The following FBXL5 variants were observed in gnomAD, a reference collection of about 807,000 sequenced individuals.
FBXL5 encodes the protein F-box/LRR-repeat protein 5.
In FBXL5, 26 loss-of-function variants were observed where a neutral mutation model predicts 78.3. The observed-to-expected ratio is 0.33, with a 90% confidence interval of 0.24 to 0.46. The LOEUF is 0.46. Among genes scored for constraint, FBXL5 ranks in the 20% least tolerant of loss-of-function variants. The pLI is 1.00. For synonymous variants in FBXL5, 295 were observed against 282.5 expected, an observed-to-expected ratio of 1.04 and a Z score of -0.45; for missense variants, 710 against 829.2, an observed-to-expected ratio of 0.86 and a Z score of 1.77.
intron 5 of FBXL5, 73 bp from the exon 6 acceptor site, chr4:15,630,864 T>C (rs1328220330): frequency 6.4e-6 from 10 of 1,567,142 alleles, no homozygotes; most frequent in Non-Finnish European, 8.7e-6. Flanking sequence ...AACTAAGCTA[T>C]TTACGATAAA....
chr4:15,632,455 C>T (rs911260403), intron 5 of FBXL5, among the ~76,000 whole-genome samples: 4 of 152,140 alleles, frequency 2.6e-5, no homozygotes, highest in African/African-American at 9.7e-5. Flanking sequence ...GTGAAGAAAG[C>T]CATTGGTAGC....
At chr4:15,646,207 AT>A (rs1715331510) in intron 1 of FBXL5, among the ~76,000 whole-genome samples, 1 of 152,230 alleles carries the variant, frequency 6.6e-6, no homozygotes, top group South Asian at 2.1e-4. Flanking sequence ...ATAAAACTTT[AT>A]AAACACTGAA....
At chr4:15,646,549 TTA>T (rs1359216209) in intron 1 of FBXL5, among the ~76,000 whole-genome samples, 7 of 151,128 alleles carry the variant, frequency 4.6e-5, no homozygotes, top group African/African-American at 7.3e-5. Flanking sequence ...ATATTTTTTA[TTA>T]TTATTATTAT....
intron 8 of FBXL5, 82 bp from the exon 9 acceptor site, chr4:15,626,059 A>G: frequency 1.6e-6 from 2 of 1,266,352 alleles, no homozygotes; most frequent in Non-Finnish European, 2.1e-6. Flanking sequence ...GATGAAAACC[A>G]GAAGAAAGAT....
At chr4:15,656,300 C>G (rs1275873108), upstream of FBXL5, 1 of 456,144 alleles carries the variant, frequency 2.2e-6, no homozygotes, top group Non-Finnish European at 4.4e-6. Flanking sequence ...ACTCTGTTCT[C>G]TGCTCACGCC....
chr4:15,631,589 GACTTT>G (rs113767813), intron 5 of FBXL5, among the ~76,000 whole-genome samples: 2,249 of 152,258 alleles, frequency 0.015, 53 homozygotes, highest in African/African-American at 0.051. Flanking sequence ...GTTGTTTCCT[GACTTT>G]TTAATGATCG....
At chr4:15,669,648 A>G (rs967996241) in intron 1 of FBXL5, among the ~76,000 whole-genome samples, 3 of 152,172 alleles carry the variant, frequency 2.0e-5, no homozygotes, top group South Asian at 4.1e-4. Flanking sequence ...CCCACAGAAA[A>G]TGTAACAAAA....
chr4:15,654,256 T>C lies in FBXL5; in HGVS notation c.84+948A>G, dbSNP rs1175604020. On this transcript the variant is annotated intron_variant, in intron 1 of 10. Coordinates refer to ENST00000341285, the MANE Select transcript of FBXL5 (RefSeq NM_012161.4). Reference sequence around the variant, plus strand: ...GTAGTCATTTGAATGCTTTATTTAGTTGGATCATTTCCACAAGAAACGGGA... The same window carrying C: ...GTAGTCATTTGAATGCTTTATTTAGCTGGATCATTTCCACAAGAAACGGGA... Among the ~76,000 whole-genome samples the C allele has an allele frequency of 2.6e-5, 4 of 152,356 alleles. 1 individual carries two copies. Among genetic ancestry groups the C allele is most frequent in the South Asian group, 2.1e-4 (1 of 4,828 alleles).
intron 2 of FBXL5, among the ~76,000 whole-genome samples, chr4:15,643,613 G>C (rs1196578957): frequency 6.6e-6 from 1 of 152,040 alleles, no homozygotes; most frequent in Non-Finnish European, 1.5e-5. Flanking sequence ...CACTATGTTG[G>C]CCAGGCTGGT....
chr4:15,675,584 T>C (rs1463754376), intron 1 of FBXL5, among the ~76,000 whole-genome samples: 29 of 145,890 alleles, frequency 2.0e-4, no homozygotes, highest in Non-Finnish European at 2.9e-4. Context: ...TTTTTTTTTT[T>C]TTTTTTTTTT....
intron 10 of FBXL5, among the ~76,000 whole-genome samples, chr4:15,608,108 G>A (rs954946487): frequency 1.3e-5 from 2 of 152,022 alleles, no homozygotes; most frequent in Admixed American, 6.6e-5. Flanking sequence ...CCACCGACAC[G>A]GAGGACTTAC....
intron 2 of FBXL5, among the ~76,000 whole-genome samples, chr4:15,644,215 T>G (rs775726295): frequency 3.9e-4 from 60 of 152,344 alleles, no homozygotes; most frequent in Non-Finnish European, 6.6e-4. Context: ...TGATGTTTCC[T>G]CAGTAGTTTT....
chr4:15,647,086 G>T (rs1272023547), intron 1 of FBXL5, among the ~76,000 whole-genome samples: 1 of 151,428 alleles, frequency 6.6e-6, no homozygotes, highest in African/African-American at 2.4e-5. Flanking sequence ...AGCAGGGAGT[G>T]GTGGTGTGCA....
intron 2 of FBXL5, among the ~76,000 whole-genome samples, chr4:15,642,038 A>G (rs1714940050): frequency 6.6e-6 from 1 of 151,930 alleles, no homozygotes; most frequent in African/African-American, 2.4e-5. Flanking sequence ...AAAAAAAAAA[A>G]AGAAAAAATT....
intron 7 of FBXL5, 70 bp downstream of exon 7, chr4:15,627,815 G>A: frequency 6.7e-7 from 1 of 1,489,228 alleles, no homozygotes; most frequent in Non-Finnish European, 9.1e-7. Flanking sequence ...ATTAAACTCA[G>A]GAATGAGCAA....
At chr4:15,656,220 G>A (rs1212022337), upstream of FBXL5, 1 of 456,260 alleles carries the variant, frequency 2.2e-6, no homozygotes, top group African/African-American at 2.0e-5. Context: ...AGAAAACAAG[G>A]TCACTAACCC....
intron 1 of FBXL5, among the ~76,000 whole-genome samples, chr4:15,651,664 T>C (rs912692776): frequency 1.3e-5 from 2 of 152,238 alleles, no homozygotes; most frequent in Admixed American, 1.3e-4. Context: ...ACTCTAAGCT[T>C]CTTCCCACTT....
intron 1 of FBXL5, among the ~76,000 whole-genome samples, chr4:15,649,440 G>A (rs973540853): frequency 4.0e-5 from 6 of 151,798 alleles, no homozygotes; most frequent in African/African-American, 9.7e-5. Context: ...TTAGTTGGGC[G>A]TGGTTAGCAC....
At chr4:15,654,390 A>T (rs1264570378) in intron 1 of FBXL5, among the ~76,000 whole-genome samples, 1 of 152,216 alleles carries the variant, frequency 6.6e-6, no homozygotes, top group Non-Finnish European at 1.5e-5. Flanking sequence ...AACCATCTCC[A>T]CAAAAGTGCC....
Sources: gnomAD v4.1 joint callset for allele counts (sites outside exome capture counted in the v4.1 genomes callset) on GRCh38, gnomAD v4.1.1 for gene constraint, MANE v1.5 for transcripts, NCBI Gene and HGNC (gene_info 2026-07-23, HGNC 2026-07-21) for gene names.